ADGRD1: variants seen among roughly 807,000 people sequenced by gnomAD.
ADGRD1 encodes G-protein coupled receptor 133.
ADGRD1 carries 77 observed loss-of-function variants against 113.4 expected under a neutral mutation model. The ratio of observed to expected loss-of-function variants is 0.68; its 90% CI spans 0.57 to 0.82. ADGRD1 has a LOEUF of 0.82. Among genes scored for constraint, ADGRD1 ranks in the 40% least tolerant of loss-of-function variants. The pLI, the probability that ADGRD1 is intolerant of heterozygous loss-of-function variation, is 0.00. For missense variants in ADGRD1, 1,036 were observed against 1,139.1 expected (o/e 0.91, Z 1.30); for synonymous variants, 474 against 475.0 (o/e 1.00, Z 0.03).
At chr12:131,063,923 C>T (rs1042390280) in intron 13 of ADGRD1, among the ~76,000 whole-genome samples, 3 of 152,098 alleles carry the variant, frequency 2.0e-5, no homozygotes, top group Non-Finnish European at 2.9e-5. Flanking sequence ...ATTAACATGG[C>T]GTATCTCTCC....
At chr12:131,111,335 G>T (rs1245702144) in intron 18 of ADGRD1, among the ~76,000 whole-genome samples, 2 of 151,858 alleles carry the variant, frequency 1.3e-5, no homozygotes, top group African/African-American at 4.8e-5. Context: ...CAAGCAGTCC[G>T]CCCACTTCAG....
Position 130,966,432 on chromosome 12 carries a change from G to A in ADGRD1, c.104-31G>A. On this transcript the variant is annotated intron_variant, in intron 2 of 24. Coordinates refer to ENST00000261654, the MANE Select transcript of ADGRD1 (RefSeq NM_198827.5). The surrounding 1 kb of genome is among the most constrained non-coding windows in gnomAD (Gnocchi z 4.6). ...CTCTGGTTCTTTCCTCTCTAATGATGATTTAAAATTTTTATTCTTTTTTCC... is the reference window on the plus strand; with the variant it reads ...CTCTGGTTCTTTCCTCTCTAATGATAATTTAAAATTTTTATTCTTTTTTCC... 1.4e-6 allele frequency: 2 copies of A among 1,432,096 alleles called. No individual in the cohort carries two copies. Among genetic ancestry groups the A allele is most frequent in the Non-Finnish European group, 2.0e-6 (2 of 1,014,382 alleles). 88.7% of individuals were successfully genotyped at this position (1,432,096 alleles called of 1,614,324 possible).
In ADGRD1 at chr12:131,053,859, A is replaced by G. The variant is rs528078778; in HGVS notation, c.1474-22942A>G. Among the ~76,000 whole-genome samples the G allele has an allele frequency of 2.0e-4, 31 of 152,330 alleles. No homozygotes were observed. The East Asian group carries it at 5.4e-3, about 27-fold the overall frequency. ...TCCAGAGCAGCACCGATAGCCCACC[A>G]GTGTAGTAGACGTAAAGTCTTGCCA... is the stretch of plus-strand genomic sequence containing the variant. On this transcript the variant is annotated intron_variant, in intron 13 of 24. Coordinates refer to ENST00000261654, the MANE Select transcript of ADGRD1 (RefSeq NM_198827.5).
intron 16 of ADGRD1, 36 bp from the exon 17 acceptor site, chr12:131,105,718 C>A: frequency 6.5e-7 from 1 of 1,539,104 alleles, no homozygotes; most frequent in Non-Finnish European, 8.9e-7. Flanking sequence ...TGGGTCGGCG[C>A]AGGGCCCAGG....
intron 13 of ADGRD1, among the ~76,000 whole-genome samples, chr12:131,046,013 GAGTGTCCTCCCTGGTC>G (rs1438150016): frequency 2.5e-4 from 36 of 143,084 alleles, no homozygotes; most frequent in African/African-American, 8.8e-4. Context: ...CCTCCCTGGT[GAGTGTCCTCCCTGGTC>G]AGTGTCCTCC....
rs1361794043 is a variant in ADGRD1, at chr12:131,057,169, A to G, written c.1474-19632A>G. Reference sequence around the variant, plus strand: ...TTGTTGCAGGAAATAATCACAGGCTACCCCCGCTGTGATAAACAGGTTTGA... The same window carrying G: ...TTGTTGCAGGAAATAATCACAGGCTGCCCCCGCTGTGATAAACAGGTTTGA... On this transcript the variant is annotated intron_variant, in intron 13 of 24. Transcript: ENST00000261654. The surrounding 1 kb of genome is among the most constrained non-coding windows in gnomAD (Gnocchi z 4.2). Among the ~76,000 whole-genome samples, 1 of 151,988 alleles carries G rather than the reference A, an allele frequency of 6.6e-6. No individual in the cohort carries two copies. Among genetic ancestry groups the G allele is most frequent in the East Asian group, 1.9e-4 (1 of 5,178 alleles).
chr12:131,017,354 C>T lies in ADGRD1; in HGVS notation c.1473+3014C>T, dbSNP rs111229125. Among the ~76,000 whole-genome samples the T allele has an allele frequency of 2.2e-3, 312 of 140,018 alleles. 1 individual carries two copies. The highest frequency in any genetic ancestry group is 8.6e-3 in the African/African-American group (287 of 33,494). The allele number at this position is 140,018 out of a possible 152,430, so 91.9% of individuals were successfully genotyped here. On this transcript the variant is annotated intron_variant, in intron 13 of 24. Transcript: ENST00000261654. ...ACACAGTCCACACACACCCAGTCCA[C>T]ACACACCCAGTGCACACAGTCCACA...
At chr12:131,025,587 G>C (rs1369009751) in intron 13 of ADGRD1, 1 of 151,086 alleles carries the variant, frequency 6.6e-6, no homozygotes, top group Non-Finnish European at 1.5e-5. Context: ...CTGTCATCCG[G>C]GCTGGAGTGC....
chr12:130,968,840 T>C, intron 3 of ADGRD1: 2 of 618,120 alleles, frequency 3.2e-6, no homozygotes, highest in Non-Finnish European at 5.7e-6. Flanking sequence ...GGATGTGAGG[T>C]CCGAAGAGAA....
intron 18 of ADGRD1, among the ~76,000 whole-genome samples, chr12:131,117,762 G>A (rs1405245321): frequency 6.6e-6 from 1 of 152,310 alleles, no homozygotes; most frequent in African/African-American, 2.4e-5. Flanking sequence ...CTCAAATACT[G>A]TAAGAATGTG....
intron 13 of ADGRD1, among the ~76,000 whole-genome samples, chr12:131,042,980 G>C (rs1196974167): frequency 2.6e-5 from 4 of 152,220 alleles, no homozygotes; most frequent in Admixed American, 2.6e-4. Flanking sequence ...GGCCCTCCCC[G>C]CCCTGCGGCC....
chr12:131,014,155 C>G, intron 12 of ADGRD1, 44 bp from the exon 13 acceptor site: 1 of 1,596,630 alleles, frequency 6.3e-7, no homozygotes, highest in Non-Finnish European at 8.5e-7. Flanking sequence ...GTGTGCTGCT[C>G]CCCTGCGTTT....
intron 20 of ADGRD1, among the ~76,000 whole-genome samples, chr12:131,127,352 C>T (rs1346817678): frequency 1.3e-5 from 2 of 152,218 alleles, no homozygotes; most frequent in Non-Finnish European, 2.9e-5. Context: ...TCAGAAAAGT[C>T]TGGGAACAGT....
chr12:131,008,885 G>C (rs1454027207), intron 12 of ADGRD1, among the ~76,000 whole-genome samples: 3 of 152,208 alleles, frequency 2.0e-5, no homozygotes, highest in Non-Finnish European at 4.4e-5. Context: ...AAGATGAGTG[G>C]GGAGGTGGAC....
rs555357141 is a variant in ADGRD1 at position 131,017,555 on chromosome 12, C to T, written c.1473+3215C>T. 1.5e-3 allele frequency among the ~76,000 whole-genome samples: 212 copies of T among 142,076 alleles called. 1 individual carries two copies. Among genetic ancestry groups the T allele is most frequent in the African/African-American group, 4.9e-3 (186 of 37,988 alleles). 93.2% of individuals were successfully genotyped at this position (142,076 alleles called of 152,430 possible). ...CACACACCCAGTGCACACACACTCA[C>T]TCCACACACTCAGTCCACACACACT... is the stretch of plus-strand genomic sequence containing the variant. On this transcript the variant is annotated intron_variant, in intron 13 of 24. Coordinates refer to ENST00000261654, the MANE Select transcript of ADGRD1 (RefSeq NM_198827.5).
chr12:131,003,334 G>A lies in ADGRD1; in HGVS notation c.1144+32G>A. 6.9e-7 allele frequency: 1 copy of A among 1,450,570 alleles called. No individual in the cohort carries two copies. Among genetic ancestry groups the A allele is most frequent in the East Asian group, 2.3e-5 (1 of 44,096 alleles). 89.9% of individuals were successfully genotyped at this position (1,450,570 alleles called of 1,614,324 possible). On this transcript the variant is annotated intron_variant, in intron 10 of 24. Transcript: ENST00000261654. This position sits in a 1 kb window ranked among gnomAD's most constrained non-coding sequence, Gnocchi z 4.8. ...GTCGCTTGTAAGGGTGAGCCACATG[G>A]CAGGGGCGGGGGCTGGAGGCTGCGT... is the stretch of plus-strand genomic sequence containing the variant.
intron 23 of ADGRD1, 170 bp downstream of exon 23, chr12:131,137,184 A>G: frequency 1.5e-6 from 1 of 648,588 alleles, no homozygotes; most frequent in Non-Finnish European, 2.8e-6. Flanking sequence ...GCTGCTGAGC[A>G]GCTCTTCTCT....
In ADGRD1 at chr12:131,006,122, C is replaced by T. The variant is rs977297842; in HGVS notation, c.1331+75C>T. On this transcript the variant is annotated intron_variant, in intron 12 of 24. Transcript: ENST00000261654. Reference sequence around the variant, plus strand: ...CTGGGTGGCTGGCCACAGGGATGCCCGCCCCACACGCACAACACTGAGAAC... The same window carrying T: ...CTGGGTGGCTGGCCACAGGGATGCCTGCCCCACACGCACAACACTGAGAAC... The T allele has an allele frequency of 9.9e-5, 118 of 1,190,014 alleles. No homozygotes were observed. The East Asian group carries it at 1.7e-3, about 17-fold the overall frequency. 73.7% of individuals were successfully genotyped at this position (1,190,014 alleles called of 1,614,324 possible). A position where few individuals can be genotyped will look rare whatever the true frequency, so the allele number is the denominator to read the frequency against.
intron 2 of ADGRD1, among the ~76,000 whole-genome samples, chr12:130,964,789 C>T (rs1024681924): frequency 6.6e-6 from 1 of 152,242 alleles, no homozygotes; most frequent in Non-Finnish European, 1.5e-5. Flanking sequence ...GCTGAACTGT[C>T]TATCCGCGTG....
Sources: gnomAD v4.1 joint callset for allele counts (sites outside exome capture counted in the v4.1 genomes callset) on GRCh38, gnomAD v4.1.1 for gene constraint, Gnocchi (gnomAD v3.1) non-coding constraint, MANE v1.5 for transcripts, NCBI Gene and HGNC (gene_info 2026-07-23, HGNC 2026-07-21) for gene names.